Variants in CNNM2 observed in about 807,000 individuals in gnomAD.
CNNM2 encodes metal transporter CNNM2.
A neutral mutation model predicts 66.9 loss-of-function variants in CNNM2; 12 were observed. The observed-to-expected ratio is 0.18, with a 90% CI of 0.11 to 0.29. The LOEUF (loss-of-function observed/expected upper bound fraction) is 0.29. Among genes scored for constraint, CNNM2 ranks in the 10% least tolerant of loss-of-function variants. The probability of loss-of-function intolerance (pLI) is 1.00; values close to 1 mark genes in which losing one functional copy is unlikely to be tolerated. For synonymous variants in CNNM2, 557 were observed against 501.8 expected (o/e 1.11, Z -1.47); for missense variants, 705 against 1,167.7 (o/e 0.60, Z 5.77).
At chr10:103,048,738 C>T (rs566310519) in intron 1 of CNNM2, among the ~76,000 whole-genome samples, 8 of 152,270 alleles carry the variant, frequency 5.3e-5, no homozygotes, top group East Asian at 3.9e-4. Context: ...TTCCTCAGGA[C>T]GGCTGCCATA....
chr10:103,052,003 G>A lies in CNNM2; in HGVS notation c.1765+2153G>A, dbSNP rs7917484. Among the ~76,000 whole-genome samples the A allele has an allele frequency of 0.099, 15,015 of 151,834 alleles. 2,499 individuals carry two copies. Among genetic ancestry groups the A allele is most frequent in the African/African-American group, 0.34 (14,097 of 41,356 alleles). On this transcript the variant is annotated intron_variant, in intron 2 of 7. Coordinates refer to ENST00000369878, the MANE Select transcript of CNNM2 (RefSeq NM_017649.5). ...GTTTAAAAACCAACTGTGGCTGGGC[G>A]TGGTGGCTCATGCCTGTAATCCCAG...
chr10:102,984,685 G>A (rs1186842720), intron 1 of CNNM2, among the ~76,000 whole-genome samples: 1 of 151,840 alleles, frequency 6.6e-6, no homozygotes, highest in Non-Finnish European at 1.5e-5. Context: ...TTTTTGAGAC[G>A]GTCTCACTCT....
intron 1 of CNNM2, among the ~76,000 whole-genome samples, chr10:103,026,168 A>G (rs552391087): frequency 3.9e-5 from 6 of 152,344 alleles, no homozygotes; most frequent in Non-Finnish European, 8.8e-5. Context: ...TGTTCTTCAT[A>G]AATTAACCTG....
chr10:103,052,043 G>A lies in CNNM2; in HGVS notation c.1765+2193G>A, dbSNP rs140652467. ...TGTAATCCCAGCACTTTGGGAGGGCGAGGCAGGCGGATCATGAGGTCAAGA... is the reference window on the plus strand; with the variant it reads ...TGTAATCCCAGCACTTTGGGAGGGCAAGGCAGGCGGATCATGAGGTCAAGA... On this transcript the variant is annotated intron_variant, in intron 2 of 7. Coordinates refer to ENST00000369878, the MANE Select transcript of CNNM2 (RefSeq NM_017649.5). Among the ~76,000 whole-genome samples, 2,045 of 152,128 alleles carry A rather than the reference G, an allele frequency of 0.013. 20 individuals carry two copies. The highest frequency in any genetic ancestry group is 0.05 in the South Asian group (242 of 4,818).
Position 103,054,317 on chromosome 10 carries a change from T to C in CNNM2, c.1766-12T>C. ...ATTTCTTTTTTTTTCTCTCTTTTAATTCCTCCCTTAGCTGACAACAGAACG... is the reference window on the plus strand; with the variant it reads ...ATTTCTTTTTTTTTCTCTCTTTTAACTCCTCCCTTAGCTGACAACAGAACG... On this transcript the variant is annotated splice_polypyrimidine_tract_variant and intron_variant, in intron 2 of 7. Coordinates refer to ENST00000369878, the MANE Select transcript of CNNM2 (RefSeq NM_017649.5). The surrounding 1 kb of genome is among the most constrained non-coding windows in gnomAD (Gnocchi z 5.2). 1 of 1,612,714 alleles carries C rather than the reference T, an allele frequency of 6.2e-7. No homozygotes were observed. Among genetic ancestry groups the C allele is most frequent in the Non-Finnish European group, 8.5e-7 (1 of 1,179,426 alleles).
chr10:102,941,128 C>T (rs1846416541), intron 1 of CNNM2, among the ~76,000 whole-genome samples: 1 of 152,130 alleles, frequency 6.6e-6, no homozygotes, highest in South Asian at 2.1e-4. Flanking sequence ...ATTAAACTTC[C>T]AAGATGGCTT....
intron 1 of CNNM2, among the ~76,000 whole-genome samples, chr10:102,950,520 G>A (rs1846785968): frequency 6.6e-6 from 1 of 152,060 alleles, no homozygotes; most frequent in Non-Finnish European, 1.5e-5. Flanking sequence ...TAGCACTTTG[G>A]GAGGCTTGAG....
intron 1 of CNNM2, among the ~76,000 whole-genome samples, chr10:103,011,495 G>A (rs532401881): frequency 1.4e-4 from 21 of 151,862 alleles, no homozygotes; most frequent in Non-Finnish European, 2.6e-4. Context: ...AGCAAAATAA[G>A]CTATCTAAGA....
intron 1 of CNNM2, among the ~76,000 whole-genome samples, chr10:102,945,270 A>G (rs1186959836): frequency 6.6e-6 from 1 of 152,162 alleles, no homozygotes. Context: ...CTTATTTTCC[A>G]GAGGAGTGTT....
At chr10:103,003,759 C>T (rs866607928) in intron 1 of CNNM2, among the ~76,000 whole-genome samples, 2 of 151,844 alleles carry the variant, frequency 1.3e-5, no homozygotes, top group South Asian at 2.1e-4. Flanking sequence ...GGCACCAGAG[C>T]GAGACTCTAT....
At chr10:102,938,814 G>C (rs17787824) in intron 1 of CNNM2, among the ~76,000 whole-genome samples, 1 of 151,856 alleles carries the variant, frequency 6.6e-6, no homozygotes, top group East Asian at 1.9e-4. Flanking sequence ...ATATACCAGC[G>C]TTTTGACCTG....
rs10624810 is a variant in CNNM2 at position 102,925,296 on chromosome 10, C to CAAAAAAAAAAAAAA, written c.1621+5212_1621+5225dup. On this transcript the variant is annotated intron_variant, in intron 1 of 7. Coordinates refer to ENST00000369878, the MANE Select transcript of CNNM2 (RefSeq NM_017649.5). ...GGGCAACAAGAGCGAAACTCCATCT[C>CAAAAAAAAAAAAAA]AAAAAAAAAAAAAAAAAAAAAAAAA... Among the ~76,000 whole-genome samples the CAAAAAAAAAAAAAA allele has an allele frequency of 5.1e-4, 9 of 17,758 alleles. 1 individual carries two copies. The highest frequency in any genetic ancestry group is 1.8e-3 in the East Asian group (1 of 552). The allele number at this position is 17,758 out of a possible 152,430, so 11.6% of individuals were successfully genotyped here.
chr10:102,951,137 G>C (rs763595905), intron 1 of CNNM2, among the ~76,000 whole-genome samples: 32 of 151,858 alleles, frequency 2.1e-4, no homozygotes, highest in Non-Finnish European at 4.1e-4. Context: ...ACAGGCGCCT[G>C]CCACCATAGC....
At chr10:102,989,623 C>T (rs796360234) in intron 1 of CNNM2, among the ~76,000 whole-genome samples, 16 of 151,794 alleles carry the variant, frequency 1.1e-4, no homozygotes, top group African/African-American at 2.4e-4. Flanking sequence ...GCCAACATGG[C>T]GAAACCCGAT....
chr10:102,952,622 C>CA (rs35818455), intron 1 of CNNM2, among the ~76,000 whole-genome samples: 43,307 of 126,968 alleles, frequency 0.34, 6,670 homozygotes, highest in Middle Eastern at 0.41. Context: ...CTGTCTCTAC[C>CA]AAAAAAAAAA....
At chr10:102,927,485 C>T (rs1464102010) in intron 1 of CNNM2, 16 of 1,581,660 alleles carry the variant, frequency 1.0e-5, no homozygotes, top group South Asian at 4.5e-5. Flanking sequence ...GTTGGCTGGG[C>T]GTGGTGGCTC....
At chr10:102,995,944 C>T (rs2063991670) in intron 1 of CNNM2, among the ~76,000 whole-genome samples, 1 of 152,172 alleles carries the variant, frequency 6.6e-6, no homozygotes, top group Non-Finnish European at 1.5e-5. Flanking sequence ...AGGTGATCTG[C>T]CTGCCTGGGC....
rs187282063 is a variant in CNNM2 at position 103,030,457 on chromosome 10, A to G, written c.1622-19250A>G. ...TGGCTGGACATGGTGGCTCATGCCTATAATCTCAGCACTTTGGGAGGCCGA... is the reference window on the plus strand; with the variant it reads ...TGGCTGGACATGGTGGCTCATGCCTGTAATCTCAGCACTTTGGGAGGCCGA... On this transcript the variant is annotated intron_variant, in intron 1 of 7. Transcript: ENST00000369878. Among the ~76,000 whole-genome samples, 175 of 152,284 alleles carry G rather than the reference A, an allele frequency of 1.1e-3. 1 individual carries two copies. Among genetic ancestry groups the G allele is most frequent in the South Asian group, 3.3e-3 (16 of 4,826 alleles).
chr10:103,069,829 G>A (rs778182990), intron 5 of CNNM2, among the ~76,000 whole-genome samples: 10 of 152,192 alleles, frequency 6.6e-5, no homozygotes, highest in Admixed American at 2.6e-4. Context: ...AATGATGTGC[G>A]GTTTTAGGAA....
Sources: allele counts gnomAD v4.1 joint callset (sites outside exome capture counted in the v4.1 genomes callset), GRCh38; gene constraint gnomAD v4.1.1; non-coding constraint Gnocchi (gnomAD v3.1); transcripts MANE v1.5; gene names NCBI Gene and HGNC (gene_info 2026-07-23, HGNC 2026-07-21).